The following SLC27A6 variants were observed in gnomAD, a reference collection of about 807,000 sequenced individuals.
SLC27A6 encodes the protein solute carrier family 27 member 6, also known as long-chain fatty acid transport protein 6.
In SLC27A6, 74 loss-of-function variants were observed where a neutral mutation model predicts 63.9. The observed-to-expected ratio is 1.16, with a 90% CI of 0.96 to 1.40. The LOEUF is 1.40. SLC27A6 is among the 40% of genes most tolerant of loss of function. The pLI, the probability that SLC27A6 is intolerant of heterozygous loss-of-function variation, is 0.00. For synonymous variants in SLC27A6, 287 were observed against 260.8 expected (o/e 1.10, Z -0.97); for missense variants, 794 against 732.9 (o/e 1.08, Z -0.96).
intron 1 of SLC27A6, among the ~76,000 whole-genome samples, chr5:128,982,689 C>G (rs772559767): frequency 1.3e-5 from 2 of 152,162 alleles, no homozygotes; most frequent in Non-Finnish European, 2.9e-5. Context: ...CTTTGCTTAT[C>G]CAGTTTTTCA....
chr5:129,027,655 T>G (rs570738297), intron 7 of SLC27A6, among the ~76,000 whole-genome samples: 195 of 152,206 alleles, frequency 1.3e-3, no homozygotes, highest in African/African-American at 4.6e-3. Context: ...TGTAGTCTAA[T>G]TCTTGGCCTA....
chr5:128,967,183 C>CTGT (rs10687563), intron 1 of SLC27A6, among the ~76,000 whole-genome samples: 36,485 of 151,516 alleles, frequency 0.24, 4,969 homozygotes, highest in Middle Eastern at 0.33. Context: ...TCTGTTTCTT[C>CTGT]TTCTTATCCT....
chr5:128,986,296 A>G (rs1422816234), intron 2 of SLC27A6, among the ~76,000 whole-genome samples: 1 of 152,218 alleles, frequency 6.6e-6, no homozygotes, highest in Non-Finnish European at 1.5e-5. Context: ...TGGGCAACAG[A>G]GTGAGACTCA....
intron 9 of SLC27A6, among the ~76,000 whole-genome samples, chr5:129,031,399 A>G (rs965468865): frequency 1.3e-5 from 2 of 152,110 alleles, no homozygotes. Context: ...CTTTTTGCCA[A>G]TAATTCACAA....
At chr5:128,999,301 G>A (rs1453027927) in intron 4 of SLC27A6, among the ~76,000 whole-genome samples, 1 of 152,082 alleles carries the variant, frequency 6.6e-6, no homozygotes, top group African/African-American at 2.4e-5. Context: ...ATCAGTACAT[G>A]TCTTTAGGTT....
Position 128,990,471 on chromosome 5 carries a change from G to A in SLC27A6, c.969+7G>A, listed in dbSNP as rs773096795. The A allele has an allele frequency of 3.9e-5, 62 of 1,596,804 alleles. No individual in the cohort carries two copies. Among genetic ancestry groups the A allele is most frequent in the East Asian group, 9.1e-5 (4 of 43,836 alleles). On this transcript the variant is annotated splice_region_variant and intron_variant, in intron 4 of 9. Coordinates refer to ENST00000262462, the MANE Select transcript of SLC27A6 (RefSeq NM_001017372.3). ...CCTTTGCAAACAATCTAAGGTAGGCGTAATCATTATCAGAAAAAAATATGT... is the reference window on the plus strand; with the variant it reads ...CCTTTGCAAACAATCTAAGGTAGGCATAATCATTATCAGAAAAAAATATGT...
chr5:128,996,880 G>T lies in SLC27A6; in HGVS notation c.969+6416G>T, dbSNP rs186539271. On this transcript the variant is annotated intron_variant, in intron 4 of 9. Coordinates refer to ENST00000262462, the MANE Select transcript of SLC27A6 (RefSeq NM_001017372.3). ...ACTTGTTTGTTTGTTCATTTGTTTC[G>T]CCAGTTACTTTTTGAATGGGACCAA... 2.0e-5 allele frequency among the ~76,000 whole-genome samples: 3 copies of T among 152,006 alleles called. 1 individual carries two copies. Among genetic ancestry groups the T allele is most frequent in the Admixed American group, 2.0e-4 (3 of 15,266 alleles).
intron 1 of SLC27A6, among the ~76,000 whole-genome samples, chr5:128,980,025 A>G (rs1369995020): frequency 6.6e-6 from 1 of 152,200 alleles, no homozygotes; most frequent in African/African-American, 2.4e-5. Flanking sequence ...TGACTTGGAA[A>G]CAAAACAGGC....
intron 4 of SLC27A6, among the ~76,000 whole-genome samples, chr5:129,012,504 C>T (rs995558686): frequency 1.3e-5 from 2 of 151,972 alleles, no homozygotes; most frequent in Non-Finnish European, 2.9e-5. Flanking sequence ...TTTCTTTAAA[C>T]TTCCATGTTC....
intron 4 of SLC27A6, among the ~76,000 whole-genome samples, chr5:129,001,038 A>G (rs1403517898): frequency 6.6e-6 from 1 of 152,208 alleles, no homozygotes; most frequent in Admixed American, 6.5e-5. Context: ...TTTTCAAACT[A>G]TCTTTTGTGC....
chr5:128,992,389 C>T (rs569581238), intron 4 of SLC27A6, among the ~76,000 whole-genome samples: 13 of 152,258 alleles, frequency 8.5e-5, no homozygotes, highest in African/African-American at 2.9e-4. Context: ...ACCCAGAGCA[C>T]AGCTGACACT....
intron 4 of SLC27A6, among the ~76,000 whole-genome samples, chr5:129,000,836 G>C (rs1306934011): frequency 6.6e-6 from 1 of 152,072 alleles, no homozygotes; most frequent in African/African-American, 2.4e-5. Context: ...TTCTCTACAA[G>C]GTGCCTTTGA....
In SLC27A6 at chr5:128,965,827, T is replaced by C. The variant is rs1488995860; in HGVS notation, c.-311T>C. 3.8e-6 allele frequency: 1 copy of C among 263,458 alleles called. No homozygotes were observed. The allele number at this position is 263,458 out of a possible 1,614,324, so 16.3% of individuals were successfully genotyped here. A position where few individuals can be genotyped will look rare whatever the true frequency, so the allele number is the denominator to read the frequency against. On this transcript the variant is annotated 5_prime_UTR_variant, in exon 1 of 10. Transcript: ENST00000262462. ...GGGAGGCGAGGGCGCAGCGCTGGGG[T>C]TGTAGATTCCAAGACCCCTGAGGGT... is the stretch of plus-strand genomic sequence containing the variant.
At chr5:129,007,589 A>C (rs1235495077) in intron 4 of SLC27A6, among the ~76,000 whole-genome samples, 1 of 152,104 alleles carries the variant, frequency 6.6e-6, no homozygotes, top group Non-Finnish European at 1.5e-5. Context: ...ATAAAAAGAA[A>C]TTAAACACAA....
intron 5 of SLC27A6, among the ~76,000 whole-genome samples, chr5:129,021,816 A>C (rs1752085303): frequency 1.3e-5 from 2 of 152,204 alleles, no homozygotes. Context: ...TTGAATTATA[A>C]AATTATTCAA....
intron 1 of SLC27A6, among the ~76,000 whole-genome samples, chr5:128,982,014 A>AT: frequency 6.6e-6 from 1 of 151,968 alleles, no homozygotes; most frequent in Non-Finnish European, 1.5e-5. Flanking sequence ...GGGTTTCACC[A>AT]TGTTGGCCAG....
intron 4 of SLC27A6, among the ~76,000 whole-genome samples, chr5:128,993,919 T>C (rs1751062673): frequency 6.6e-6 from 1 of 152,070 alleles, no homozygotes; most frequent in Non-Finnish European, 1.5e-5. Context: ...GTCAGCCTGA[T>C]CAATATGGGG....
intron 4 of SLC27A6, among the ~76,000 whole-genome samples, chr5:129,003,486 C>T (rs73242073): frequency 4.9e-4 from 75 of 152,238 alleles, no homozygotes; most frequent in African/African-American, 1.7e-3. Flanking sequence ...TTGATCAATT[C>T]AAGCCACAGC....
At position 128,987,197 on chromosome 5, in the gene SLC27A6, A is replaced by G. The variant is rs145877766; in HGVS notation, c.686-1403A>G. Reference sequence around the variant, plus strand: ...GTATATGTTCTCTTTAATATATATAACTTCTTTTAATACTTGACTGTTTTA... The same window carrying G: ...GTATATGTTCTCTTTAATATATATAGCTTCTTTTAATACTTGACTGTTTTA... On this transcript the variant is annotated intron_variant, in intron 2 of 9. Coordinates refer to ENST00000262462, the MANE Select transcript of SLC27A6 (RefSeq NM_001017372.3). 3.4e-3 allele frequency among the ~76,000 whole-genome samples: 518 copies of G among 152,126 alleles called. 6 individuals carry two copies. Among genetic ancestry groups the G allele is most frequent in the African/African-American group, 0.012 (501 of 41,500 alleles).
Sources: allele counts gnomAD v4.1 joint callset (sites outside exome capture counted in the v4.1 genomes callset), GRCh38; gene constraint gnomAD v4.1.1; transcripts MANE v1.5; gene names NCBI Gene and HGNC (gene_info 2026-07-23, HGNC 2026-07-21).